Variants in MAPK8IP3 observed in about 807,000 individuals in gnomAD.
MAPK8IP3 encodes mitogen-activated protein kinase 8 interacting protein 3.
MAPK8IP3 carries 49 observed loss-of-function variants against 157.8 expected under a neutral mutation model. That is an observed-to-expected ratio of 0.31 (90% CI 0.25 to 0.39). MAPK8IP3 has a LOEUF of 0.39. Among genes scored for constraint, MAPK8IP3 ranks in the 10% least tolerant of loss-of-function variants. The probability of loss-of-function intolerance (pLI) is 1.00; values close to 1 mark genes in which losing one functional copy is unlikely to be tolerated. For synonymous variants in MAPK8IP3, 897 were observed against 777.7 expected (o/e 1.15, Z -2.55); for missense variants, 1,478 against 1,889.4 (o/e 0.78, Z 4.04).
At chr16:1,758,261 G>A (rs1014005263) in intron 9 of MAPK8IP3, 102 bp downstream of exon 9, 1 of 1,381,312 alleles carries the variant, frequency 7.2e-7, no homozygotes, top group East Asian at 2.4e-5. Context: ...TGTGTGGACT[G>A]CCCCCCACGT....
chr16:1,724,728 G>A lies in MAPK8IP3; in HGVS notation c.439+51G>A. 1 of 1,590,012 alleles carries A rather than the reference G, an allele frequency of 6.3e-7. No individual in the cohort carries two copies. Among genetic ancestry groups the A allele is most frequent in the Non-Finnish European group, 8.6e-7 (1 of 1,165,442 alleles). On this transcript the variant is annotated intron_variant, in intron 2 of 31. Transcript: ENST00000610761. The surrounding 1 kb of genome is among the most constrained non-coding windows in gnomAD (Gnocchi z 4.1). Reference sequence around the variant, plus strand: ...GCGCGCTTGATGGGCGCTGCTCTGGGACGGCTCTGGTTGGGGTGGGCATGG... The same window carrying A: ...GCGCGCTTGATGGGCGCTGCTCTGGAACGGCTCTGGTTGGGGTGGGCATGG...
intron 13 of MAPK8IP3, among the ~76,000 whole-genome samples, chr16:1,761,892 C>T (rs2041974501): frequency 6.6e-6 from 1 of 152,160 alleles, no homozygotes; most frequent in Non-Finnish European, 1.5e-5. Context: ...GGGTGCCTCC[C>T]GGGGACTCAC....
intron 4 of MAPK8IP3, among the ~76,000 whole-genome samples, chr16:1,736,935 C>CGT (rs1449528321): frequency 2.4e-5 from 1 of 42,110 alleles, no homozygotes; most frequent in Non-Finnish European, 4.1e-5. Context: ...TGTGAGCATC[C>CGT]GTGACCGTCC....
rs577736782 is a variant in MAPK8IP3 at position 1,764,377 on chromosome 16, C to G, written c.2198C>G (p.Ala733Gly). The change falls in exon 19 of 32, where the codon GCG becomes GGG. Residue 733 changes from alanine to glycine, a missense_variant. Coordinates refer to ENST00000610761, the MANE Select transcript of MAPK8IP3 (RefSeq NM_001318852.2). The part of the protein sequence containing the change: ...EDDAGNGVKP[A>G]PGRDPLTCDR... ...GACGCTGGGAATGGAGTCAAGCCAG[C>G]GCCAGGCCGCGATCCCCTGACCTGC... 4 of 1,590,442 alleles carry G rather than the reference C, an allele frequency of 2.5e-6. No homozygotes were observed. The African/African-American group carries it at 5.4e-5, about 21-fold the overall frequency.
intron 10 of MAPK8IP3, among the ~76,000 whole-genome samples, chr16:1,759,391 G>A (rs529086906): frequency 6.6e-6 from 1 of 152,338 alleles, no homozygotes; most frequent in South Asian, 2.1e-4. Flanking sequence ...TGTGTGGGAG[G>A]GCAGGACCTT....
At chr16:1,717,689 G>A (rs2038244520) in intron 1 of MAPK8IP3, among the ~76,000 whole-genome samples, 1 of 152,154 alleles carries the variant, frequency 6.6e-6, no homozygotes, top group African/African-American at 2.4e-5. Flanking sequence ...TGTATTCTGG[G>A]TAGTTCTTTT....
chr16:1,768,371 G>C lies in MAPK8IP3; in HGVS notation c.3735G>C (p.Ser1245=). ...GHRDAVKFFV[S]VPGNVLATLN... ...GCGATGCCGTGAAGTTCTTTGTCTC[G>C]GTGCCAGGTGAGGCTGGGCCCCTCC... The change falls in exon 30 of 32, where the codon TCG becomes TCC. Residue 1245 remains serine (S), a synonymous_variant. Transcript: ENST00000610761. The C allele has an allele frequency of 6.2e-7, 1 of 1,600,402 alleles. No individual in the cohort carries two copies. Among genetic ancestry groups the C allele is most frequent in the South Asian group, 1.1e-5 (1 of 91,010 alleles).
chr16:1,729,122 T>C lies in MAPK8IP3; in HGVS notation c.440-16T>C, dbSNP rs768997696. 1.9e-6 allele frequency: 3 copies of C among 1,612,660 alleles called. No individual in the cohort carries two copies. Among genetic ancestry groups the C allele is most frequent in the African/African-American group, 1.3e-5 (1 of 74,984 alleles). On this transcript the variant is annotated splice_polypyrimidine_tract_variant and intron_variant, in intron 2 of 31. Coordinates refer to ENST00000610761, the MANE Select transcript of MAPK8IP3 (RefSeq NM_001318852.2). The stretch of plus-strand genomic sequence containing the variant: ...GAAGCGTCTTGTGCGGCTCAGACAG[T>C]GATTGTGTTTTCCAGTTTCCCGGTT...
At chr16:1,737,508 G>C (rs1364852736) in intron 4 of MAPK8IP3, among the ~76,000 whole-genome samples, 2 of 101,618 alleles carry the variant, frequency 2.0e-5, no homozygotes, top group Non-Finnish European at 4.1e-5. Flanking sequence ...CCGTGTGAGC[G>C]TGTGACCGTC....
intron 9 of MAPK8IP3, 131 bp from the exon 10 acceptor site, chr16:1,758,847 C>G: frequency 1.1e-6 from 1 of 915,818 alleles, no homozygotes; most frequent in Non-Finnish European, 1.8e-6. Context: ...CCACCCTAAC[C>G]CAGCAGACCC....
rs761482755 is a variant in MAPK8IP3 at position 1,766,405 on chromosome 16, G to A, written c.2815G>A (p.Gly939Ser). Residue 939 changes from glycine to serine, a missense_variant, in exon 22 of 32, where the codon GGC (glycine) becomes AGC (serine). Around this residue, in one of 11 missense-constraint regions of MAPK8IP3, gnomAD observed 669 missense variants for 759.8 expected, o/e 0.88. Transcript: ENST00000610761. ...APTPSSGPQP[G>S]SENGPEPDSS... ...GACCCCGTCCTCTGGCCCCCAGCCT[G>A]GCAGGTGAGCTCTTGGGCTGGGGCA... 1.2e-6 allele frequency: 2 copies of A among 1,609,740 alleles called. No individual in the cohort carries two copies. The highest frequency in any genetic ancestry group is 1.7e-6 in the Non-Finnish European group (2 of 1,178,024).
chr16:1,767,300 G>A lies in MAPK8IP3; in HGVS notation c.3237+3G>A, dbSNP rs757498671. 8 of 1,612,954 alleles carry A rather than the reference G, an allele frequency of 5.0e-6. No individual in the cohort carries two copies. Among genetic ancestry groups the A allele is most frequent in the Middle Eastern group, 1.7e-4 (1 of 6,018 alleles). ...AGCCCAAGACCATGCAGATAGAGGCGAGTGCCGGCCAGGGCCCCGGGGAGG... is the reference window on the plus strand; with the variant it reads ...AGCCCAAGACCATGCAGATAGAGGCAAGTGCCGGCCAGGGCCCCGGGGAGG... On this transcript the variant is annotated splice_donor_region_variant and intron_variant, in intron 26 of 31. Transcript: ENST00000610761.
chr16:1,763,021 G>GC lies in MAPK8IP3; in HGVS notation c.1898+20dup, dbSNP rs2042044179. 1 of 1,612,140 alleles carries GC rather than the reference G, an allele frequency of 6.2e-7. No individual in the cohort carries two copies. Among genetic ancestry groups the GC allele is most frequent in the African/African-American group, 1.3e-5 (1 of 74,942 alleles). ...TTCCCTGACGAGTGAGTGTCCCGCA[G>GC]CCCCCACTTGTGGCCTGCAATGGGG... On this transcript the variant is annotated intron_variant, in intron 16 of 31. Transcript: ENST00000610761.
chr16:1,738,414 G>T (rs1338521337), intron 4 of MAPK8IP3, among the ~76,000 whole-genome samples: 1 of 111,184 alleles, frequency 9.0e-6, no homozygotes, highest in African/African-American at 3.8e-5. Context: ...GCGTCCGTGT[G>T]AGCGTGTGAC....
intron 2 of MAPK8IP3, among the ~76,000 whole-genome samples, chr16:1,726,105 A>T (rs1216679673): frequency 6.6e-6 from 1 of 152,214 alleles, no homozygotes; most frequent in Non-Finnish European, 1.5e-5. Context: ...GATATGTTAG[A>T]CTTACTCCTA....
At chr16:1,731,428 A>G (rs2039310612) in intron 4 of MAPK8IP3, among the ~76,000 whole-genome samples, 1 of 152,232 alleles carries the variant, frequency 6.6e-6, no homozygotes, top group African/African-American at 2.4e-5. Flanking sequence ...GGCTCCCCAC[A>G]GAGGTGGGAC....
Position 1,706,344 on chromosome 16 carries a change from T to TGGAGATCCA in MAPK8IP3, c.7_15dup (p.Glu3_Gln5dup). ...CTGGCGGCGGCGGTGGCCGCGATGA[T>TGGAGATCCA]GGAGATCCAGATGGACGAGGGCGGC... On this transcript the variant is annotated inframe_insertion, in exon 1 of 32. Coordinates refer to ENST00000610761, the MANE Select transcript of MAPK8IP3 (RefSeq NM_001318852.2). The surrounding 1 kb of genome is among the most constrained non-coding windows in gnomAD (Gnocchi z 5.1). 6.3e-7 allele frequency: 1 copy of TGGAGATCCA among 1,576,560 alleles called. No individual in the cohort carries two copies. Among genetic ancestry groups the TGGAGATCCA allele is most frequent in the Non-Finnish European group, 8.6e-7 (1 of 1,161,280 alleles).
chr16:1,766,992 G>C (rs1386638569), intron 25 of MAPK8IP3, 21 bp downstream of exon 25: 1 of 1,574,750 alleles, frequency 6.4e-7, no homozygotes, highest in Admixed American at 1.7e-5. Flanking sequence ...GCAGCACGGG[G>C]TGTGTGGGTG....
Position 1,762,892 on chromosome 16 carries a change from C to T in MAPK8IP3, c.1784C>T (p.Pro595Leu). ...SSPPPAKRPYPSVNIHYKSPT... is the reference protein window; with the variant it reads ...SSPPPAKRPYLSVNIHYKSPT... Reference sequence around the variant, plus strand: ...CCCCCTCCGGCCAAGCGCCCCTATCCCTCGGTGAACATCCACTACAAGTCA... The same window carrying T: ...CCCCCTCCGGCCAAGCGCCCCTATCTCTCGGTGAACATCCACTACAAGTCA... Residue 595 changes from proline to leucine, a missense_variant, in exon 16 of 32, where the codon CCC (proline) becomes CTC (leucine). Pro to Leu is a moderately conservative substitution (Grantham distance 98, BLOSUM62 -3). This residue lies in a region of MAPK8IP3 where 669 missense variants were observed against 759.8 expected (regional missense o/e 0.88). Coordinates refer to ENST00000610761, the MANE Select transcript of MAPK8IP3 (RefSeq NM_001318852.2). 1 of 1,613,166 alleles carries T rather than the reference C, an allele frequency of 6.2e-7. No homozygotes were observed. Among genetic ancestry groups the T allele is most frequent in the Non-Finnish European group, 8.5e-7 (1 of 1,179,990 alleles).
Sources: gnomAD v4.1 joint callset for allele counts (sites outside exome capture counted in the v4.1 genomes callset) on GRCh38, gnomAD v4.1.1 for gene constraint, gnomAD v4.1.1 regional missense constraint, Gnocchi (gnomAD v3.1) non-coding constraint, MANE v1.5 for transcripts, NCBI Gene and HGNC (gene_info 2026-07-23, HGNC 2026-07-21) for gene names.